SEC13: variants seen among roughly 807,000 people sequenced by gnomAD.
The protein encoded by SEC13 is protein SEC13 homolog.
A neutral mutation model predicts 49.2 loss-of-function variants in SEC13; 25 were observed. That is an observed-to-expected ratio of 0.51 (90% CI 0.37 to 0.71). The LOEUF is 0.71. Among genes scored for constraint, SEC13 ranks in the 30% least tolerant of loss-of-function variants. The pLI is 0.00. For missense variants in SEC13, 383 were observed against 417.6 expected, an observed-to-expected ratio of 0.92 and a Z score of 0.72; for synonymous variants, 148 against 163.9, an observed-to-expected ratio of 0.90 and a Z score of 0.74.
chr3:10,308,375 C>CTTAT lies in SEC13; in HGVS notation c.451-2687_451-2684dup, dbSNP rs148857714. On this transcript the variant is annotated intron_variant, in intron 5 of 8. Transcript: ENST00000350697. ...AATTATTTTGAAATTTATTCTTCATCTTATTTTGTTAAGTCATTTCTTTTT... is the reference window on the plus strand; with the variant it reads ...AATTATTTTGAAATTTATTCTTCATCTTATTTATTTTGTTAAGTCATTTCTTTTT... Among the ~76,000 whole-genome samples, 1,174 of 152,188 alleles carry CTTAT rather than the reference C, an allele frequency of 7.7e-3. 19 individuals carry two copies. The highest frequency in any genetic ancestry group is 0.027 in the African/African-American group (1,121 of 41,506).
chr3:10,308,872 G>C (rs1016130763), intron 5 of SEC13, among the ~76,000 whole-genome samples: 18 of 147,520 alleles, frequency 1.2e-4, no homozygotes, highest in Non-Finnish European at 3.0e-5. Flanking sequence ...CCTCAAACAG[G>C]AGTTCACCTC....
At chr3:10,313,171 T>A (rs1701390342) in intron 3 of SEC13, 1 of 229,562 alleles carries the variant, frequency 4.4e-6, no homozygotes, top group Non-Finnish European at 9.2e-6. Flanking sequence ...TTCATTTTGA[T>A]GTTTTCCACT....
At chr3:10,304,893 C>A (rs1041659575) in intron 7 of SEC13, 140 bp downstream of exon 7, 12 of 1,257,368 alleles carry the variant, frequency 9.5e-6, no homozygotes, top group Admixed American at 2.0e-5. Context: ...CACACAATGA[C>A]CTGACTCCCT....
chr3:10,310,440 G>A (rs1307768513), intron 5 of SEC13, among the ~76,000 whole-genome samples: 3 of 152,142 alleles, frequency 2.0e-5, no homozygotes, highest in East Asian at 1.9e-4. Context: ...GCAGTGAGCC[G>A]AGATCATGTC....
chr3:10,305,935 G>T, intron 5 of SEC13: 1 of 395,302 alleles, frequency 2.5e-6, no homozygotes, highest in Non-Finnish European at 4.6e-6. Context: ...TAAGAAACAG[G>T]ACATTTTCTA....
intron 1 of SEC13, among the ~76,000 whole-genome samples, chr3:10,318,948 T>C (rs112569124): frequency 4.6e-5 from 7 of 152,354 alleles, no homozygotes; most frequent in African/African-American, 1.7e-4. Flanking sequence ...CCATCTGCAG[T>C]TTCAAATCCC....
chr3:10,311,876 A>T, intron 5 of SEC13, 89 bp downstream of exon 5: 2 of 1,611,722 alleles, frequency 1.2e-6, no homozygotes, highest in African/African-American at 1.3e-5. Flanking sequence ...TCCAGCGGGG[A>T]CCCTCCCGTG....
intron 3 of SEC13, chr3:10,313,321 T>A: frequency 4.6e-6 from 2 of 430,702 alleles, no homozygotes; most frequent in Admixed American, 4.7e-5. Flanking sequence ...AGGGAAGGTT[T>A]TGCACCTTAG....
At position 10,312,654 on chromosome 3, in the gene SEC13, G is replaced by C; in HGVS notation, c.241C>G (p.Arg81Gly). The stretch of plus-strand genomic sequence containing the variant: ...TCCTCTCTCCAGATAATGACTTTCC[G>C]GTCATAGGAGCACGATGCCAGGATG... ...GNILASCSYD[R>G]KVIIWREENG... The change falls in exon 4 of 9, where the codon CGG becomes GGG. Residue 81 changes from arginine to glycine, a missense_variant. Physicochemically the swap from Arg to Gly is moderately radical, Grantham distance 125. Transcript: ENST00000350697. 2 of 1,614,068 alleles carry C rather than the reference G, an allele frequency of 1.2e-6. No individual in the cohort carries two copies. Among genetic ancestry groups the C allele is most frequent in the South Asian group, 2.2e-5 (2 of 91,072 alleles).
chr3:10,302,749 A>G (rs1700615539), intron 8 of SEC13, among the ~76,000 whole-genome samples: 1 of 152,220 alleles, frequency 6.6e-6, no homozygotes, highest in Non-Finnish European at 1.5e-5. Flanking sequence ...TCACAGCCAC[A>G]CTATTCGCAA....
rs34434283 is a variant in SEC13, at chr3:10,319,761, T to TGA, written c.3+1287_3+1288dup. ...AGGGTTGATGAACCACACTTCTGAA[T>TGA]GAGAGAGAGAGAGAGAGAGAGAGAG... On this transcript the variant is annotated intron_variant, in intron 1 of 8. Transcript: ENST00000350697. 7.9e-3 allele frequency among the ~76,000 whole-genome samples: 360 copies of TGA among 45,484 alleles called. 3 individuals are homozygous for TGA. The highest frequency in any genetic ancestry group is 0.015 in the African/African-American group (102 of 6,918). 29.8% of individuals were successfully genotyped at this position (45,484 alleles called of 152,430 possible). A position where few individuals can be genotyped will look rare whatever the true frequency, so the allele number is the denominator to read the frequency against.
At chr3:10,303,401 G>A (rs111402888) in intron 8 of SEC13, 1 of 153,958 alleles carries the variant, frequency 6.5e-6, no homozygotes, top group African/African-American at 2.4e-5. Context: ...TCCTTTCTGC[G>A]GGTAGCTTTT....
rs1700467700 is a variant in SEC13, at chr3:10,301,073, T to G, written c.*188A>C. On this transcript the variant is annotated 3_prime_UTR_variant, in exon 9 of 9. Coordinates refer to ENST00000350697, the MANE Select transcript of SEC13 (RefSeq NM_183352.3). ...TCCTCGTAACATGAGTGCTTTCAGC[T>G]GGACAGTAGATTACAAAGCATCTCC... is the stretch of plus-strand genomic sequence containing the variant. The G allele has an allele frequency of 1.2e-6, 2 of 1,611,190 alleles. No individual in the cohort carries two copies. The highest frequency in any genetic ancestry group is 1.7e-5 in the Admixed American group (1 of 59,940).
At chr3:10,302,362 A>C (rs1006239105) in intron 8 of SEC13, among the ~76,000 whole-genome samples, 5 of 152,188 alleles carry the variant, frequency 3.3e-5, no homozygotes, top group Non-Finnish European at 7.3e-5. Context: ...CACTCAACAC[A>C]CTGCAGAATG....
intron 5 of SEC13, among the ~76,000 whole-genome samples, chr3:10,309,121 A>G (rs1264958159): frequency 1.3e-5 from 2 of 151,426 alleles, no homozygotes; most frequent in African/African-American, 4.9e-5. Flanking sequence ...TATTTTTAGT[A>G]GAGACGGGGT....
chr3:10,313,063 G>C (rs1343931916), intron 3 of SEC13: 1 of 271,984 alleles, frequency 3.7e-6, no homozygotes. Flanking sequence ...TCATTAATTG[G>C]TCCAAGGTTT....
At chr3:10,303,316 T>A (rs1013906641) in intron 8 of SEC13, among the ~76,000 whole-genome samples, 3 of 152,272 alleles carry the variant, frequency 2.0e-5, no homozygotes, top group African/African-American at 7.2e-5. Context: ...CACGTGGAAC[T>A]GACCCTGCGG....
intron 5 of SEC13, among the ~76,000 whole-genome samples, chr3:10,307,468 A>G (rs1205611722): frequency 6.6e-6 from 1 of 152,134 alleles, no homozygotes; most frequent in Admixed American, 6.5e-5. Context: ...CAAAAAAAAG[A>G]GAGGTTTAAT....
intron 8 of SEC13, among the ~76,000 whole-genome samples, 177 bp from the exon 9 acceptor site, chr3:10,301,551 G>GA (rs972752947): frequency 5.9e-5 from 9 of 152,174 alleles, no homozygotes; most frequent in East Asian, 5.8e-4. Flanking sequence ...AAAACTCACA[G>GA]AAAAAAAGGA....
Sources: gnomAD v4.1 joint callset for allele counts (sites outside exome capture counted in the v4.1 genomes callset) on GRCh38, gnomAD v4.1.1 for gene constraint, MANE v1.5 for transcripts, NCBI Gene and HGNC (gene_info 2026-07-23, HGNC 2026-07-21) for gene names.